Variants in PTPRZ1 observed in about 807,000 individuals in gnomAD.
PTPRZ1 encodes receptor-type tyrosine-protein phosphatase zeta.
In PTPRZ1, 82 loss-of-function variants were observed where a neutral mutation model predicts 214.1. That is an observed-to-expected ratio of 0.38 (90% CI 0.32 to 0.46). The LOEUF (loss-of-function observed/expected upper bound fraction) is 0.46, where lower values mean the gene tolerates loss of function less well. PTPRZ1 is among the 20% of genes least tolerant of loss of function. The pLI is 1.00. For synonymous variants in PTPRZ1, 945 were observed against 987.9 expected (o/e 0.96, Z 0.81); for missense variants, 2,603 against 2,748.7 (o/e 0.95, Z 1.19).
chr7:121,914,792 C>T (rs1467078411), intron 1 of PTPRZ1, among the ~76,000 whole-genome samples: 2 of 152,102 alleles, frequency 1.3e-5, no homozygotes, highest in African/African-American at 4.8e-5. Flanking sequence ...TGGATACTTG[C>T]TCTACCTATA....
chr7:122,051,751 A>C (rs2150489489), intron 24 of PTPRZ1, 115 bp from the exon 25 acceptor site: 3 of 1,018,062 alleles, frequency 2.9e-6, no homozygotes, highest in Non-Finnish European at 4.4e-6. Flanking sequence ...CAACTTGAAA[A>C]ATGTAGCTAT....
intron 1 of PTPRZ1, among the ~76,000 whole-genome samples, chr7:121,893,828 T>C (rs550635187): frequency 3.4e-4 from 52 of 152,166 alleles, no homozygotes; most frequent in African/African-American, 1.2e-3. Flanking sequence ...ATTTATAGGG[T>C]TCCAGATAGT....
In PTPRZ1 at chr7:122,011,848, G is replaced by C. The variant is rs148162051; in HGVS notation, c.2802G>C (p.Glu934Asp). 10 of 1,613,622 alleles carry C rather than the reference G, an allele frequency of 6.2e-6. No homozygotes were observed. The highest frequency in any genetic ancestry group is 8.5e-6 in the Non-Finnish European group (10 of 1,179,706). Residue 934 changes from glutamate to aspartate, a missense_variant, in exon 12 of 30, where the codon GAG becomes GAC. By Grantham distance (45) the Glu-to-Asp change is conservative (BLOSUM62 2). Coordinates refer to ENST00000393386, the MANE Select transcript of PTPRZ1 (RefSeq NM_002851.3). ...PEPSYALSDN[E>D]GSQHIFTVSY... ...CTTCTTATGCCTTGTCTGATAATGA[G>C]GGCTCCCAACACATCTTCACTGTTT...
chr7:121,926,720 T>C (rs1300955196), intron 1 of PTPRZ1, among the ~76,000 whole-genome samples: 1 of 152,174 alleles, frequency 6.6e-6, no homozygotes, highest in African/African-American at 2.4e-5. Flanking sequence ...TAAAATTGTT[T>C]GCAGGAATGA....
At chr7:121,955,853 A>G (rs1261715481) in intron 2 of PTPRZ1, among the ~76,000 whole-genome samples, 1 of 152,064 alleles carries the variant, frequency 6.6e-6, no homozygotes, top group African/African-American at 2.4e-5. Context: ...TTTATCTGCG[A>G]TTTTTCCAAT....
chr7:121,986,873 C>T (rs775067601), intron 8 of PTPRZ1, among the ~76,000 whole-genome samples: 2 of 152,098 alleles, frequency 1.3e-5, no homozygotes, highest in Non-Finnish European at 2.9e-5. Flanking sequence ...TCTACTTATC[C>T]TATATGTGTG....
chr7:121,972,534 T>C lies in PTPRZ1; in HGVS notation c.305-7T>C, dbSNP rs1364473673. The C allele has an allele frequency of 8.2e-6, 13 of 1,584,498 alleles. No homozygotes were observed. The highest frequency in any genetic ancestry group is 1.0e-5 in the Non-Finnish European group (12 of 1,169,128). On this transcript the variant is annotated splice_polypyrimidine_tract_variant and splice_region_variant and intron_variant, in intron 3 of 29. Coordinates refer to ENST00000393386, the MANE Select transcript of PTPRZ1 (RefSeq NM_002851.3). Reference sequence around the variant, plus strand: ...AAGCTTAGGTGCAATTGTATTTCTTTTTTTAGTGGAAATTAATCTCACTAA... The same window carrying C: ...AAGCTTAGGTGCAATTGTATTTCTTCTTTTAGTGGAAATTAATCTCACTAA...
At chr7:121,914,400 C>A (rs1322891628) in intron 1 of PTPRZ1, among the ~76,000 whole-genome samples, 1 of 152,036 alleles carries the variant, frequency 6.6e-6, no homozygotes, top group Non-Finnish European at 1.5e-5. Context: ...CCCAAGTAAG[C>A]TTTATGTATA....
At chr7:121,920,462 T>C (rs1795563471) in intron 1 of PTPRZ1, among the ~76,000 whole-genome samples, 1 of 152,166 alleles carries the variant, frequency 6.6e-6, no homozygotes, top group South Asian at 2.1e-4. Context: ...TAATATTATT[T>C]TTAGCTCGTT....
intron 2 of PTPRZ1, among the ~76,000 whole-genome samples, chr7:121,960,695 A>G (rs914553652): frequency 1.3e-5 from 2 of 152,184 alleles, no homozygotes; most frequent in African/African-American, 2.4e-5. Flanking sequence ...CTTTTATTTC[A>G]TCTGCATAAT....
chr7:121,908,260 G>T (rs1795172768), intron 1 of PTPRZ1, among the ~76,000 whole-genome samples: 1 of 151,996 alleles, frequency 6.6e-6, no homozygotes, highest in Non-Finnish European at 1.5e-5. Flanking sequence ...TATACAACAG[G>T]TCACCTGTTG....
At chr7:121,952,401 TAG>T (rs369807510) in intron 2 of PTPRZ1, among the ~76,000 whole-genome samples, 89 of 152,020 alleles carry the variant, frequency 5.9e-4, no homozygotes, top group Admixed American at 1.0e-3. Context: ...CTGGGCAACA[TAG>T]AGAGACTCTA....
chr7:121,924,137 G>T (rs1254099743), intron 1 of PTPRZ1, among the ~76,000 whole-genome samples: 1 of 151,802 alleles, frequency 6.6e-6, no homozygotes, highest in East Asian at 1.9e-4. Flanking sequence ...CACCATAACC[G>T]CCTTGTCAAA....
rs1797456555 is a variant in PTPRZ1 at position 121,976,933 on chromosome 7, G to T, written c.619+82G>T. On this transcript the variant is annotated intron_variant, in intron 6 of 29. Coordinates refer to ENST00000393386, the MANE Select transcript of PTPRZ1 (RefSeq NM_002851.3). Reference sequence around the variant, plus strand: ...GTTGACAATACGACAAAAGTCACTTGTTCCAAAAGGTGGAAAGTACTACAT... The same window carrying T: ...GTTGACAATACGACAAAAGTCACTTTTTCCAAAAGGTGGAAAGTACTACAT... The T allele has an allele frequency of 2.6e-6, 3 of 1,159,836 alleles. No individual in the cohort carries two copies. In the African/African-American group the frequency reaches 4.7e-5, roughly 18 times the overall value. 71.8% of individuals were successfully genotyped at this position (1,159,836 alleles called of 1,614,324 possible).
chr7:122,012,070 T>C lies in PTPRZ1; in HGVS notation c.3024T>C (p.Pro1008=). 6.2e-7 allele frequency: 1 copy of C among 1,614,236 alleles called. No individual in the cohort carries two copies. The highest frequency in any genetic ancestry group is 8.5e-7 in the Non-Finnish European group (1 of 1,180,028). The change falls in exon 12 of 30, where the codon CCT becomes CCC. Residue 1008 remains proline (P), a synonymous_variant. Coordinates refer to ENST00000393386, the MANE Select transcript of PTPRZ1 (RefSeq NM_002851.3). ...CTTCTGATAGTGAATTTCTTTTACCTGACACAGATGGGCTGACAGCCCTTA... is the reference window on the plus strand; with the variant it reads ...CTTCTGATAGTGAATTTCTTTTACCCGACACAGATGGGCTGACAGCCCTTA... The part of the protein sequence containing the change: ...GASSDSEFLL[P]DTDGLTALNI...
At chr7:122,031,169 A>G (rs1337613749) in intron 14 of PTPRZ1, among the ~76,000 whole-genome samples, 1 of 152,094 alleles carries the variant, frequency 6.6e-6, no homozygotes, top group East Asian at 1.9e-4. Context: ...GTCCATCAAA[A>G]GATGCAGTCC....
At chr7:121,894,104 G>C (rs540479197) in intron 1 of PTPRZ1, among the ~76,000 whole-genome samples, 11 of 152,160 alleles carry the variant, frequency 7.2e-5, no homozygotes, top group Non-Finnish European at 4.4e-5. Flanking sequence ...GATAAGTTCT[G>C]CCACAAAGTT....
chr7:121,960,539 C>A (rs951815684), intron 2 of PTPRZ1, among the ~76,000 whole-genome samples: 1 of 152,026 alleles, frequency 6.6e-6, no homozygotes, highest in African/African-American at 2.4e-5. Context: ...TATTATATAT[C>A]TATTAATTTT....
intron 21 of PTPRZ1, among the ~76,000 whole-genome samples, chr7:122,041,298 T>TTTTTTA (rs1171420579): frequency 2.6e-5 from 4 of 152,106 alleles, no homozygotes; most frequent in Non-Finnish European, 5.9e-5. Context: ...TACCTCAACA[T>TTTTTTA]ATAATACCAT....
Sources: gnomAD v4.1 joint callset for allele counts (sites outside exome capture counted in the v4.1 genomes callset) on GRCh38, gnomAD v4.1.1 for gene constraint, MANE v1.5 for transcripts, NCBI Gene and HGNC (gene_info 2026-07-23, HGNC 2026-07-21) for gene names.